COPB1: variants seen among roughly 807,000 people sequenced by gnomAD.
The protein encoded by COPB1 is coat protein complex I subunit beta 1.
In COPB1, 21 loss-of-function variants were observed where a neutral mutation model predicts 108.7. That is an observed-to-expected ratio of 0.19 (90% confidence interval 0.14 to 0.28). COPB1 has a LOEUF of 0.28. Among genes scored for constraint, COPB1 ranks in the 10% least tolerant of loss-of-function variants. The pLI is 1.00. For synonymous variants in COPB1, 378 were observed against 386.8 expected, an observed-to-expected ratio of 0.98 and a Z score of 0.27; for missense variants, 919 against 1,141.3, an observed-to-expected ratio of 0.81 and a Z score of 2.81.
chr11:14,472,164 T>C (rs1200276995), intron 14 of COPB1, among the ~76,000 whole-genome samples: 1 of 152,228 alleles, frequency 6.6e-6, no homozygotes, highest in Non-Finnish European at 1.5e-5. Flanking sequence ...ATTCTGTTTC[T>C]TAAATAATAA....
intron 18 of COPB1, among the ~76,000 whole-genome samples, chr11:14,462,063 A>ATT (rs1289445391): frequency 7.0e-6 from 1 of 142,982 alleles, no homozygotes; most frequent in Non-Finnish European, 1.5e-5. Context: ...AGACACAACC[A>ATT]TTTTTTTTTT....
intron 6 of COPB1, among the ~76,000 whole-genome samples, chr11:14,487,435 G>C (rs1322064027): frequency 6.6e-6 from 1 of 152,114 alleles, no homozygotes; most frequent in African/African-American, 2.4e-5. Context: ...TCAGCGCTTT[G>C]GGAGGCCAAG....
At chr11:14,498,786 ATT>A (rs1490894254) in intron 2 of COPB1, 50 bp downstream of exon 2, 37 of 1,422,704 alleles carry the variant, frequency 2.6e-5, no homozygotes, top group Admixed American at 8.8e-5. Context: ...TGAGTTTTTT[ATT>A]TTTGTTTTTT....
intron 14 of COPB1, 103 bp downstream of exon 14, chr11:14,474,392 A>C: frequency 9.7e-7 from 1 of 1,027,556 alleles, no homozygotes; most frequent in Non-Finnish European, 1.4e-6. Context: ...AAACTCTTTC[A>C]TGACAGAAAC....
At chr11:14,486,547 C>T (rs1311597044) in intron 6 of COPB1, 43 bp from the exon 7 acceptor site, 8 of 1,600,688 alleles carry the variant, frequency 5.0e-6, no homozygotes, top group South Asian at 2.2e-5. Context: ...TTCAGGAACG[C>T]TTGTTTTCAA....
At chr11:14,482,969 T>C in intron 8 of COPB1, 63 bp downstream of exon 8, 1 of 1,423,588 alleles carries the variant, frequency 7.0e-7, no homozygotes, top group Non-Finnish European at 9.4e-7. Flanking sequence ...GGGCAAAGCT[T>C]GAGAATGACC....
chr11:14,464,114 T>C (rs963635571), intron 18 of COPB1, among the ~76,000 whole-genome samples: 10 of 152,206 alleles, frequency 6.6e-5, no homozygotes, highest in Non-Finnish European at 1.2e-4. Context: ...TTCATTTTTT[T>C]CCTGCCATCA....
intron 10 of COPB1, 135 bp from the exon 11 acceptor site, chr11:14,479,849 G>T: frequency 2.3e-6 from 2 of 863,618 alleles, no homozygotes; most frequent in Non-Finnish European, 3.4e-6. Flanking sequence ...TGCTGCCCAG[G>T]CTAGAGAATA....
intron 8 of COPB1, among the ~76,000 whole-genome samples, chr11:14,481,734 A>C (rs1195536719): frequency 6.6e-6 from 1 of 152,256 alleles, no homozygotes; most frequent in Admixed American, 6.5e-5. Flanking sequence ...AAGTTCTAAG[A>C]GTGAACTCCT....
rs758198228 is a variant in COPB1, at chr11:14,480,802, C to T, written c.1169G>A (p.Cys390Tyr). The T allele has an allele frequency of 2.5e-6, 4 of 1,614,044 alleles. No individual in the cohort carries two copies. In the Admixed American group the frequency reaches 5.0e-5, roughly 20 times the overall value. ...RQLLVRTLHSCSVRFPDMAAN... is the reference protein window; with the variant it reads ...RQLLVRTLHSYSVRFPDMAAN... ...AGCCATATCTGGAAATCGGACAGAA[C>T]AGGAATGCAATGTTCGCACTAGGAG... Residue 390 changes from cysteine (C) to tyrosine (Y), a missense_variant, in exon 10 of 22, where the codon TGT becomes TAT. Coordinates refer to ENST00000439561, the MANE Select transcript of COPB1 (RefSeq NM_001144061.2).
At chr11:14,477,389 C>CAAAAAAAGAAAAAAAAAAAAAAAAAAA (rs1850547321) in intron 11 of COPB1, among the ~76,000 whole-genome samples, 1 of 73,312 alleles carries the variant, frequency 1.4e-5, no homozygotes. Flanking sequence ...GACTCCGTCT[C>CAAAAAAAGAAAAAAAAAAAAAAAAAAA]AAAAAAAAAA....
chr11:14,488,664 T>C (rs1850827802), intron 5 of COPB1, 80 bp from the exon 6 acceptor site: 1 of 759,948 alleles, frequency 1.3e-6, no homozygotes. Flanking sequence ...AATACACACA[T>C]TACAACTCAA....
In COPB1 at chr11:14,499,759, T is replaced by G. The variant is rs1041793557; in HGVS notation, c.-110A>C. On this transcript the variant is annotated 5_prime_UTR_variant, in exon 1 of 22. Transcript: ENST00000439561. ...CCCACTACCAGGCTCCGAGGGGCAG[T>G]GGTTTGGTGCAGCCGCGGATCCGTC... 4 of 152,282 alleles carry G rather than the reference T, an allele frequency of 2.6e-5. No individual in the cohort carries two copies. Among genetic ancestry groups the G allele is most frequent in the Non-Finnish European group, 4.4e-5 (3 of 68,170 alleles). 9.4% of individuals were successfully genotyped at this position (152,282 alleles called of 1,614,324 possible). A position where few individuals can be genotyped will look rare whatever the true frequency, so the allele number is the denominator to read the frequency against.
chr11:14,459,153 C>T (rs1192235261), intron 20 of COPB1, among the ~76,000 whole-genome samples: 2 of 152,150 alleles, frequency 1.3e-5, no homozygotes, highest in African/African-American at 2.4e-5. Context: ...CTCAACTATA[C>T]ATGTAAAAAG....
At chr11:14,468,959 C>A in intron 15 of COPB1, 99 bp from the exon 16 acceptor site, 1 of 962,506 alleles carries the variant, frequency 1.0e-6, no homozygotes, top group South Asian at 1.6e-5. Context: ...ACTGAAAAAT[C>A]AACAAAACAA....
chr11:14,491,746 G>GT (rs1565024049), intron 4 of COPB1, among the ~76,000 whole-genome samples: 1 of 151,174 alleles, frequency 6.6e-6, no homozygotes, highest in Non-Finnish European at 1.5e-5. Context: ...CAAATTATAC[G>GT]TTTTCTAGTT....
At chr11:14,462,432 C>A (rs1278331455) in intron 18 of COPB1, among the ~76,000 whole-genome samples, 1 of 152,082 alleles carries the variant, frequency 6.6e-6, no homozygotes, top group Non-Finnish European at 1.5e-5. Context: ...TGTGGTTTCA[C>A]CATCTTGGCC....
At chr11:14,465,945 G>C (rs1006720583) in intron 17 of COPB1, among the ~76,000 whole-genome samples, 14 of 152,142 alleles carry the variant, frequency 9.2e-5, no homozygotes, top group Admixed American at 8.5e-4. Flanking sequence ...AAAATACTTA[G>C]TTCTGTAATG....
At chr11:14,475,565 G>C (rs1472972443) in intron 13 of COPB1, among the ~76,000 whole-genome samples, 1 of 152,140 alleles carries the variant, frequency 6.6e-6, no homozygotes, top group Non-Finnish European at 1.5e-5. Flanking sequence ...AAACAGAACA[G>C]TTATTTCCAT....
Sources: gnomAD v4.1 joint callset for allele counts (sites outside exome capture counted in the v4.1 genomes callset) on GRCh38, gnomAD v4.1.1 for gene constraint, MANE v1.5 for transcripts, NCBI Gene and HGNC (gene_info 2026-07-23, HGNC 2026-07-21) for gene names.